Variants in THSD7B observed in about 807,000 individuals in gnomAD.
THSD7B encodes thrombospondin type 1 domain containing 7B.
Under a neutral mutation model 213.6 loss-of-function variants are expected in THSD7B, and 138 were observed. The ratio of observed to expected loss-of-function variants is 0.65; its 90% CI spans 0.56 to 0.74. THSD7B has a LOEUF of 0.74. Among genes scored for constraint, THSD7B ranks in the 30% least tolerant of loss-of-function variants. THSD7B has a pLI of 0.00. For synonymous variants in THSD7B, 742 were observed against 687.0 expected (o/e 1.08, Z -1.25); for missense variants, 1,931 against 1,991.5 (o/e 0.97, Z 0.58).
At chr2:137,277,439 T>C (rs1682900617) in intron 12 of THSD7B, among the ~76,000 whole-genome samples, 1 of 152,068 alleles carries the variant, frequency 6.6e-6, no homozygotes, top group South Asian at 2.1e-4. Flanking sequence ...ACTTTTAGCA[T>C]AGTAGGATGG....
chr2:137,091,015 G>A (rs149201774), intron 3 of THSD7B, among the ~76,000 whole-genome samples: 249 of 152,172 alleles, frequency 1.6e-3, no homozygotes, highest in African/African-American at 5.8e-3. Context: ...AGCTCAACAT[G>A]TTACCTTTTA....
At position 137,671,528 on chromosome 2, in the gene THSD7B, G is replaced by C. The variant is rs544856993; in HGVS notation, c.4739+3667G>C. On this transcript the variant is annotated intron_variant, in intron 27 of 27. Transcript: ENST00000409968. ...TACTTACTTACAATCATGGCCCAAG[G>C]CAAAGGAGAAACAGGCACCTTCTTC... Among the ~76,000 whole-genome samples the C allele has an allele frequency of 1.3e-3, 191 of 152,154 alleles. 1 individual carries two copies. The highest frequency in any genetic ancestry group is 2.1e-3 in the South Asian group (10 of 4,818).
chr2:136,805,887 T>C (rs926766357), intron 1 of THSD7B, among the ~76,000 whole-genome samples: 1 of 152,196 alleles, frequency 6.6e-6, no homozygotes, highest in Non-Finnish European at 1.5e-5. Flanking sequence ...AGCTCAAGGG[T>C]GCTGCACTAT....
In THSD7B at chr2:137,313,322, A is replaced by G. The variant is rs534687399; in HGVS notation, c.2500+37296A>G. Among the ~76,000 whole-genome samples, 1,166 of 152,076 alleles carry G rather than the reference A, an allele frequency of 7.7e-3. 10 individuals carry two copies. Among genetic ancestry groups the G allele is most frequent in the Middle Eastern group, 0.027 (8 of 294 alleles). ...AAAGTCTGTTTTATCAGAGATGAGG[A>G]TTGCAACCCCTGCCTTTTTTTGTTT... On this transcript the variant is annotated intron_variant, in intron 12 of 27. Transcript: ENST00000409968.
chr2:136,816,315 G>T (rs778199), intron 1 of THSD7B, among the ~76,000 whole-genome samples: 44,902 of 152,040 alleles, frequency 0.3, 7,063 homozygotes, highest in Non-Finnish European at 0.34. Context: ...GGCCTGGAAG[G>T]TATCCTTTGA....
intron 2 of THSD7B, among the ~76,000 whole-genome samples, chr2:136,956,751 G>A (rs1685133690): frequency 6.6e-6 from 1 of 151,246 alleles, no homozygotes; most frequent in Non-Finnish European, 1.5e-5. Context: ...ACAATCTCAG[G>A]TCACTGCAAC....
intron 2 of THSD7B, among the ~76,000 whole-genome samples, chr2:136,983,350 G>GACACACACACACACAC (rs1440218135): frequency 1.8e-3 from 97 of 53,100 alleles, no homozygotes; most frequent in African/African-American, 7.0e-3. Flanking sequence ...CACACACACA[G>GACACACACACACACAC]ACACACAGAC....
intron 2 of THSD7B, among the ~76,000 whole-genome samples, chr2:136,957,793 A>G (rs1685153119): frequency 6.6e-6 from 1 of 152,196 alleles, no homozygotes; most frequent in East Asian, 1.9e-4. Context: ...TTAAATTTAA[A>G]ATGTTAACCT....
chr2:137,524,991 G>A (rs574794726), intron 15 of THSD7B, among the ~76,000 whole-genome samples: 18 of 152,274 alleles, frequency 1.2e-4, no homozygotes, highest in African/African-American at 3.1e-4. Flanking sequence ...AGGAGAGGCC[G>A]TGCTTCATGT....
chr2:137,537,781 AT>A lies in THSD7B; in HGVS notation c.3139-25438del, dbSNP rs1680533638. Among the ~76,000 whole-genome samples, 5 of 151,878 alleles carry A rather than the reference AT, an allele frequency of 3.3e-5. No homozygotes were observed. The South Asian group carries it at 1.0e-3, about 31-fold the overall frequency. On this transcript the variant is annotated intron_variant, in intron 15 of 27. Coordinates refer to ENST00000409968, the MANE Select transcript of THSD7B (RefSeq NM_001316349.2). Reference sequence around the variant, plus strand: ...CATTGCTTTTAGACTACATTCATTTATTCATCTTTCTAAAAATATTTTGGAA... The same window carrying A: ...CATTGCTTTTAGACTACATTCATTTATCATCTTTCTAAAAATATTTTGGAA...
chr2:137,202,768 G>GT (rs1267332075), intron 7 of THSD7B, among the ~76,000 whole-genome samples: 2 of 152,140 alleles, frequency 1.3e-5, no homozygotes, highest in Non-Finnish European at 2.9e-5. Context: ...GGCTGTGGTG[G>GT]TAAGTCAAGT....
chr2:136,833,756 T>C (rs1490432622), intron 1 of THSD7B, among the ~76,000 whole-genome samples: 1 of 152,164 alleles, frequency 6.6e-6, no homozygotes, highest in African/African-American at 2.4e-5. Context: ...TTCTTTCTCA[T>C]ATGTCATAGG....
intron 16 of THSD7B, among the ~76,000 whole-genome samples, chr2:137,565,549 G>A (rs1224537165): frequency 1.3e-5 from 2 of 152,124 alleles, no homozygotes; most frequent in Admixed American, 1.3e-4. Flanking sequence ...AGACTCAATT[G>A]CATCTTAAAG....
intron 5 of THSD7B, among the ~76,000 whole-genome samples, chr2:137,137,501 G>A (rs1323284142): frequency 2.6e-5 from 4 of 152,138 alleles, no homozygotes; most frequent in Non-Finnish European, 5.9e-5. Context: ...GCTTAGACGT[G>A]TTTAGATACA....
chr2:136,867,589 A>G, intron 1 of THSD7B, among the ~76,000 whole-genome samples: 1 of 152,232 alleles, frequency 6.6e-6, no homozygotes, highest in East Asian at 1.9e-4. Flanking sequence ...CATTTCACAG[A>G]AGAGATCTAT....
intron 26 of THSD7B, among the ~76,000 whole-genome samples, chr2:137,666,424 G>C (rs1334708975): frequency 6.6e-6 from 1 of 152,014 alleles, no homozygotes; most frequent in Non-Finnish European, 1.5e-5. Context: ...AAATCTGATT[G>C]AGACTTGAAA....
At chr2:136,998,959 C>CACACACACACACACACACA (rs1558882062) in intron 2 of THSD7B, among the ~76,000 whole-genome samples, 1 of 146,430 alleles carries the variant, frequency 6.8e-6, no homozygotes, top group Admixed American at 6.9e-5. Context: ...CACACACACA[C>CACACACACACACACACACA]CCCTGCTTTC....
intron 2 of THSD7B, among the ~76,000 whole-genome samples, chr2:136,993,937 A>G (rs1190012454): frequency 6.6e-6 from 1 of 152,216 alleles, no homozygotes; most frequent in Non-Finnish European, 1.5e-5. Flanking sequence ...ATTTGTGTAT[A>G]TATGTTTATA....
At chr2:136,859,460 C>A (rs976992468) in intron 1 of THSD7B, among the ~76,000 whole-genome samples, 17 of 152,188 alleles carry the variant, frequency 1.1e-4, no homozygotes, top group Non-Finnish European at 2.5e-4. Flanking sequence ...GTTTAACAAG[C>A]ACTGTGCTGA....
Sources: gnomAD v4.1 joint callset for allele counts (sites outside exome capture counted in the v4.1 genomes callset) on GRCh38, gnomAD v4.1.1 for gene constraint, MANE v1.5 for transcripts, NCBI Gene and HGNC (gene_info 2026-07-23, HGNC 2026-07-21) for gene names.